The following TTC39B variants were observed in gnomAD, a reference collection of about 807,000 sequenced individuals.
The protein encoded by TTC39B is tetratricopeptide repeat protein 39B.
TTC39B carries 92 observed loss-of-function variants against 96.6 expected under a neutral mutation model. That is an observed-to-expected ratio of 0.95 (90% CI 0.80 to 1.13). The LOEUF (loss-of-function observed/expected upper bound fraction) is 1.13, where lower values mean the gene tolerates loss of function less well. TTC39B is among the 50% of genes most tolerant of loss of function. The pLI is 0.00. For synonymous variants in TTC39B, 367 were observed against 299.4 expected (o/e 1.23, Z -2.33); for missense variants, 955 against 809.3 (o/e 1.18, Z -2.18).
chr9:15,250,310 C>A, intron 2 of TTC39B: 2 of 687,468 alleles, frequency 2.9e-6, no homozygotes, highest in Non-Finnish European at 3.6e-6. Flanking sequence ...GAGAAACAGG[C>A]AAGGAACATA....
chr9:15,257,023 AT>A (rs1563768332), intron 2 of TTC39B, among the ~76,000 whole-genome samples: 1 of 152,252 alleles, frequency 6.6e-6, no homozygotes, highest in Non-Finnish European at 1.5e-5. Flanking sequence ...TGTTAAAAAA[AT>A]AAATGAGACA....
intron 2 of TTC39B, among the ~76,000 whole-genome samples, chr9:15,260,175 T>A (rs1822894305): frequency 6.6e-6 from 1 of 152,074 alleles, no homozygotes; most frequent in Non-Finnish European, 1.5e-5. Context: ...CCCTACCTAA[T>A]ACCAAGATTG....
chr9:15,178,455 A>T (rs919386890), intron 17 of TTC39B, among the ~76,000 whole-genome samples: 1 of 152,164 alleles, frequency 6.6e-6, no homozygotes, highest in Admixed American at 6.5e-5. Context: ...ACATGCCTGT[A>T]GTCCCAGCTA....
intron 2 of TTC39B, chr9:15,249,543 C>A: frequency 6.4e-6 from 1 of 155,460 alleles, no homozygotes; most frequent in Non-Finnish European, 1.4e-5. Flanking sequence ...AGTGAACCAG[C>A]ATCATCCTGC....
intron 1 of TTC39B, among the ~76,000 whole-genome samples, chr9:15,283,424 T>C (rs1260947804): frequency 6.6e-6 from 1 of 152,246 alleles, no homozygotes; most frequent in African/African-American, 2.4e-5. Flanking sequence ...TCATGTAAAC[T>C]TGACATTTCT....
chr9:15,202,985 A>T lies in TTC39B; in HGVS notation c.759+838T>A, dbSNP rs138630175. Among the ~76,000 whole-genome samples the T allele has an allele frequency of 7.6e-3, 1,152 of 152,306 alleles. 13 individuals carry two copies. Among genetic ancestry groups the T allele is most frequent in the African/African-American group, 0.026 (1,091 of 41,552 alleles). ...AGAAAAGGATTGTTTAGTGACTTCT[A>T]AAAACTGCTCTTCCAAAGGAAGAAA... On this transcript the variant is annotated intron_variant, in intron 7 of 19. Coordinates refer to ENST00000512701, the Ensembl canonical transcript of TTC39B.
chr9:15,259,986 G>A (rs1036590507), intron 2 of TTC39B, among the ~76,000 whole-genome samples: 3 of 152,182 alleles, frequency 2.0e-5, no homozygotes, highest in South Asian at 2.1e-4. Flanking sequence ...TTTTTCAGAC[G>A]ATAAAAATGT....
At chr9:15,207,362 G>T (rs1042321567) in intron 6 of TTC39B, among the ~76,000 whole-genome samples, 5 of 152,148 alleles carry the variant, frequency 3.3e-5, no homozygotes, top group Non-Finnish European at 1.5e-5. Context: ...AAGTGCCATT[G>T]TTCAAAGACA....
intron 8 of TTC39B, among the ~76,000 whole-genome samples, chr9:15,193,913 C>T (rs1819002075): frequency 6.6e-6 from 1 of 152,086 alleles, no homozygotes; most frequent in African/African-American, 2.4e-5. Flanking sequence ...AGGAACTATT[C>T]CGAATGAAAA....
rs117636607 is a variant in TTC39B at position 15,292,907 on chromosome 9, T to C, written c.240+14177A>G. On this transcript the variant is annotated intron_variant, in intron 1 of 19. Transcript: ENST00000512701. ...AAAAGTTCCATTAATCAAAGGTTTA[T>C]TATTAAAGAAAAAACATAAATGTGG... Among the ~76,000 whole-genome samples the C allele has an allele frequency of 3.3e-3, 505 of 152,318 alleles. 2 individuals carry two copies. Among genetic ancestry groups the C allele is most frequent in the Non-Finnish European group, 5.4e-3 (370 of 68,032 alleles).
intron 7 of TTC39B, among the ~76,000 whole-genome samples, chr9:15,202,793 T>C (rs1819619680): frequency 6.6e-6 from 1 of 152,000 alleles, no homozygotes; most frequent in South Asian, 2.1e-4. Flanking sequence ...TGAATTTCTT[T>C]CTGATTTCTT....
intron 15 of TTC39B, among the ~76,000 whole-genome samples, chr9:15,186,309 G>C (rs1457534941): frequency 6.7e-6 from 1 of 149,424 alleles, no homozygotes; most frequent in Non-Finnish European, 1.5e-5. Flanking sequence ...GGAAATGTGA[G>C]GTGGGGGTCA....
exon 20 of TTC39B, chr9:15,164,598 C>T (rs1384037231): frequency 1.3e-5 from 2 of 152,220 alleles, no homozygotes; most frequent in African/African-American, 2.4e-5. Flanking sequence ...ATTAAATATA[C>T]ATATTTGCCT....
intron 1 of TTC39B, among the ~76,000 whole-genome samples, chr9:15,297,805 G>C (rs757247427): frequency 6.6e-6 from 1 of 151,768 alleles, no homozygotes; most frequent in African/African-American, 2.4e-5. Context: ...ACTGAAACCC[G>C]CAGATGCACA....
chr9:15,235,870 G>A (rs1821754671), intron 2 of TTC39B, among the ~76,000 whole-genome samples: 1 of 152,150 alleles, frequency 6.6e-6, no homozygotes, highest in Non-Finnish European at 1.5e-5. Context: ...ACACGTAAGT[G>A]CAAAGCTCAC....
chr9:15,173,693 T>C (rs1476228029), intron 19 of TTC39B, among the ~76,000 whole-genome samples: 2 of 152,164 alleles, frequency 1.3e-5, no homozygotes, highest in Non-Finnish European at 2.9e-5. Context: ...ATTCACAAAA[T>C]GACTTCATCA....
At chr9:15,193,277 T>G (rs1187240012) in intron 8 of TTC39B, among the ~76,000 whole-genome samples, 1 of 152,242 alleles carries the variant, frequency 6.6e-6, no homozygotes, top group African/African-American at 2.4e-5. Flanking sequence ...TTCTATGTAT[T>G]TCTCTCTTGC....
chr9:15,217,382 A>AC (rs1239942861), intron 3 of TTC39B, among the ~76,000 whole-genome samples: 2 of 152,104 alleles, frequency 1.3e-5, no homozygotes, highest in South Asian at 2.1e-4. Context: ...CCACACTGTC[A>AC]CCTGGGAGGA....
At chr9:15,267,523 T>A (rs1020003256) in intron 2 of TTC39B, among the ~76,000 whole-genome samples, 1 of 152,226 alleles carries the variant, frequency 6.6e-6, no homozygotes. Flanking sequence ...TGATCTAATA[T>A]GATTTAGCAA....
Sources: allele counts gnomAD v4.1 joint callset (sites outside exome capture counted in the v4.1 genomes callset), GRCh38; gene constraint gnomAD v4.1.1; transcripts MANE v1.5; gene names NCBI Gene and HGNC (gene_info 2026-07-23, HGNC 2026-07-21).